The following PRKG1 variants were observed in gnomAD, a reference collection of about 807,000 sequenced individuals.
The protein encoded by PRKG1 is protein kinase cGMP-dependent 1, also known as cGMP-dependent protein kinase 1.
In PRKG1, 35 loss-of-function variants were observed where a neutral mutation model predicts 88.1. The ratio of observed to expected loss-of-function variants is 0.40; its 90% CI spans 0.30 to 0.53. The LOEUF (loss-of-function observed/expected upper bound fraction) is 0.53, where lower values mean the gene tolerates loss of function less well. PRKG1 is among the 20% of genes least tolerant of loss of function. PRKG1 has a pLI of 0.59. For missense variants in PRKG1, 540 were observed against 839.8 expected, an observed-to-expected ratio of 0.64 and a Z score of 4.41; for synonymous variants, 303 against 292.5, an observed-to-expected ratio of 1.04 and a Z score of -0.37.
chr10:52,061,291 T>G (rs1429084883), intron 6 of PRKG1, among the ~76,000 whole-genome samples: 1 of 152,084 alleles, frequency 6.6e-6, no homozygotes, highest in East Asian at 1.9e-4. Flanking sequence ...TTCTTAATAC[T>G]TATAAAAATT....
At chr10:51,670,465 G>T (rs553288389) in intron 3 of PRKG1, among the ~76,000 whole-genome samples, 1 of 150,802 alleles carries the variant, frequency 6.6e-6, no homozygotes, top group African/African-American at 2.4e-5. Flanking sequence ...GGCCGGGCGC[G>T]GTGGCTCACG....
chr10:51,613,371 T>C (rs1428268968), intron 3 of PRKG1, among the ~76,000 whole-genome samples: 1 of 151,958 alleles, frequency 6.6e-6, no homozygotes. Context: ...CAATGTCTGC[T>C]TTTTCATTTC....
At chr10:51,491,637 A>G (rs540859797) in intron 3 of PRKG1, among the ~76,000 whole-genome samples, 2 of 152,218 alleles carry the variant, frequency 1.3e-5, no homozygotes, top group Non-Finnish European at 1.5e-5. Context: ...AATTCCTGAA[A>G]GACGGGTAGC....
intron 1 of PRKG1, among the ~76,000 whole-genome samples, chr10:51,079,779 C>A (rs1413674064): frequency 6.6e-6 from 1 of 152,134 alleles, no homozygotes; most frequent in Non-Finnish European, 1.5e-5. Flanking sequence ...TTCTTACCCC[C>A]ACCATCACAG....
intron 2 of PRKG1, among the ~76,000 whole-genome samples, chr10:51,460,070 T>C (rs1839706252): frequency 6.6e-6 from 1 of 152,096 alleles, no homozygotes; most frequent in African/African-American, 2.4e-5. Flanking sequence ...TAGTTCTTTC[T>C]TGTGGGGGCA....
intron 4 of PRKG1, among the ~76,000 whole-genome samples, chr10:51,848,706 G>A (rs986993512): frequency 1.3e-5 from 2 of 150,706 alleles, no homozygotes; most frequent in Non-Finnish European, 3.0e-5. Flanking sequence ...AAGATCTCAC[G>A]ATATTGCCCA....
chr10:52,227,118 C>T (rs973205699), intron 9 of PRKG1, among the ~76,000 whole-genome samples: 1 of 152,064 alleles, frequency 6.6e-6, no homozygotes, highest in Non-Finnish European at 1.5e-5. Context: ...CAAAGCAAGA[C>T]AGTATATGAA....
intron 1 of PRKG1, among the ~76,000 whole-genome samples, chr10:51,005,878 C>T (rs1447989183): frequency 6.6e-6 from 1 of 152,158 alleles, no homozygotes. Context: ...CTCCCCTCCT[C>T]TCATTGTCTA....
chr10:51,984,321 A>G (rs534098502), intron 5 of PRKG1, among the ~76,000 whole-genome samples: 351 of 152,372 alleles, frequency 2.3e-3, no homozygotes, highest in African/African-American at 8.3e-3. Context: ...CTTACAAGCT[A>G]AAGTGGCATT....
upstream of PRKG1, among the ~76,000 whole-genome samples, chr10:51,073,738 C>A (rs1465201367): frequency 6.6e-6 from 1 of 152,178 alleles, no homozygotes; most frequent in East Asian, 1.9e-4. Flanking sequence ...CCCTACCCCA[C>A]AACCCTTTCC....
At chr10:52,132,621 G>A (rs1403608750) in intron 7 of PRKG1, among the ~76,000 whole-genome samples, 2 of 151,906 alleles carry the variant, frequency 1.3e-5, no homozygotes, top group Admixed American at 6.6e-5. Flanking sequence ...GAGATGTGAT[G>A]TTTTTTGGTT....
intron 2 of PRKG1, among the ~76,000 whole-genome samples, chr10:51,183,033 G>C (rs924101615): frequency 2.0e-5 from 3 of 152,044 alleles, no homozygotes; most frequent in Non-Finnish European, 2.9e-5. Flanking sequence ...TATGTTATAA[G>C]ACAAAATCTG....
chr10:51,800,856 T>C (rs1253995052), intron 3 of PRKG1, among the ~76,000 whole-genome samples: 5 of 152,054 alleles, frequency 3.3e-5, no homozygotes, highest in Admixed American at 2.0e-4. Context: ...CCCATGATGT[T>C]ATCTAAATCT....
At chr10:51,743,944 C>T (rs573655784) in intron 3 of PRKG1, among the ~76,000 whole-genome samples, 13 of 150,842 alleles carry the variant, frequency 8.6e-5, no homozygotes, top group Non-Finnish European at 1.2e-4. Context: ...TGGCTAAAAG[C>T]GACTTCAACA....
chr10:52,282,393 T>C, intron 14 of PRKG1, 77 bp downstream of exon 14: 1 of 1,340,688 alleles, frequency 7.5e-7, no homozygotes, highest in Non-Finnish European at 1.0e-6. Context: ...GTCACTTGGA[T>C]TAGACCATCT....
chr10:51,877,114 T>G (rs1779686074), intron 4 of PRKG1, among the ~76,000 whole-genome samples: 1 of 152,094 alleles, frequency 6.6e-6, no homozygotes, highest in Non-Finnish European at 1.5e-5. Context: ...TAGGATTGTC[T>G]TTCTCCCCCC....
At chr10:51,868,796 A>G (rs558619320) in intron 4 of PRKG1, among the ~76,000 whole-genome samples, 3 of 152,296 alleles carry the variant, frequency 2.0e-5, no homozygotes, top group African/African-American at 7.2e-5. Flanking sequence ...CTGTATTAAT[A>G]TATTTATTAA....
chr10:51,203,791 T>G (rs1042134148), intron 2 of PRKG1, among the ~76,000 whole-genome samples: 3 of 152,228 alleles, frequency 2.0e-5, no homozygotes, highest in African/African-American at 7.2e-5. Context: ...ACTTACAAAA[T>G]GAATGTTAGT....
intron 3 of PRKG1, among the ~76,000 whole-genome samples, chr10:51,602,744 G>A (rs71508089): frequency 0.34 from 37,287 of 111,280 alleles, 6,479 homozygotes; most frequent in East Asian, 0.76. Context: ...GTGTGTGTGT[G>A]TGTGTGTGTG....
Sources: allele counts gnomAD v4.1 joint callset (sites outside exome capture counted in the v4.1 genomes callset), GRCh38; gene constraint gnomAD v4.1.1; transcripts MANE v1.5; gene names NCBI Gene and HGNC (gene_info 2026-07-23, HGNC 2026-07-21).